HECW2: variants seen among roughly 807,000 people sequenced by gnomAD.
HECW2 encodes the protein E3 ubiquitin-protein ligase HECW2.
Under a neutral mutation model 175.2 loss-of-function variants are expected in HECW2, and 61 were observed. The ratio of observed to expected loss-of-function variants is 0.35; its 90% CI spans 0.28 to 0.43. The LOEUF is 0.43. Ranked by LOEUF, HECW2 falls within the 20% of genes least tolerant of loss-of-function variation. HECW2 has a pLI of 1.00. For synonymous variants in HECW2, 671 were observed against 731.0 expected, an observed-to-expected ratio of 0.92 and a Z score of 1.32; for missense variants, 1,524 against 2,000.5, an observed-to-expected ratio of 0.76 and a Z score of 4.54.
intron 28 of HECW2, among the ~76,000 whole-genome samples, chr2:196,204,042 C>T (rs1686970821): frequency 6.6e-6 from 1 of 152,094 alleles, no homozygotes; most frequent in Non-Finnish European, 1.5e-5. Context: ...AATTTCCTTC[C>T]TTTTTAAGGC....
chr2:196,298,810 C>A (rs1221720878), intron 13 of HECW2, among the ~76,000 whole-genome samples: 1 of 152,122 alleles, frequency 6.6e-6, no homozygotes. Context: ...TAAATACATT[C>A]CTTTTGCATA....
At chr2:196,535,454 T>G (rs1688990732) in intron 1 of HECW2, among the ~76,000 whole-genome samples, 1 of 152,220 alleles carries the variant, frequency 6.6e-6, no homozygotes, top group African/African-American at 2.4e-5. Context: ...TTTGGTATAA[T>G]GCCTTGGATA....
At chr2:196,439,078 C>G (rs1214356774) in intron 1 of HECW2, among the ~76,000 whole-genome samples, 6 of 152,144 alleles carry the variant, frequency 3.9e-5, no homozygotes, top group Non-Finnish European at 7.3e-5. Context: ...TATATTTAAA[C>G]TTCACCCTGC....
chr2:196,576,804 T>A (rs1382592504), intron 1 of HECW2, among the ~76,000 whole-genome samples: 1 of 152,146 alleles, frequency 6.6e-6, no homozygotes, highest in Non-Finnish European at 1.5e-5. Flanking sequence ...AAACACCAAA[T>A]TATACACATT....
chr2:196,287,526 A>G (rs1206110595), intron 14 of HECW2, among the ~76,000 whole-genome samples: 1 of 152,216 alleles, frequency 6.6e-6, no homozygotes, highest in African/African-American at 2.4e-5. Flanking sequence ...CGTATTTAAC[A>G]TCTTAAAGGA....
At chr2:196,397,825 C>CA (rs1468435471) in intron 2 of HECW2, among the ~76,000 whole-genome samples, 1 of 152,144 alleles carries the variant, frequency 6.6e-6, no homozygotes, top group East Asian at 1.9e-4. Flanking sequence ...CAAATGCTTC[C>CA]AATGTAGTCT....
At chr2:196,505,485 A>G (rs1307135235) in intron 1 of HECW2, among the ~76,000 whole-genome samples, 1 of 152,116 alleles carries the variant, frequency 6.6e-6, no homozygotes, top group Non-Finnish European at 1.5e-5. Flanking sequence ...GGCTGCAGTG[A>G]ACCAAGATTG....
chr2:196,544,406 G>C (rs942260831), intron 1 of HECW2, among the ~76,000 whole-genome samples: 1 of 152,168 alleles, frequency 6.6e-6, no homozygotes, highest in African/African-American at 2.4e-5. Context: ...AAAGGAAGGG[G>C]AGAGACGGAC....
chr2:196,328,056 C>G (rs1389464709), intron 5 of HECW2, among the ~76,000 whole-genome samples: 1 of 68,324 alleles, frequency 1.5e-5, no homozygotes, highest in Non-Finnish European at 4.2e-5. Flanking sequence ...ATGCTGTACA[C>G]CATAAAAAAA....
chr2:196,390,694 T>C (rs1694481249), intron 2 of HECW2, among the ~76,000 whole-genome samples: 1 of 152,184 alleles, frequency 6.6e-6, no homozygotes, highest in South Asian at 2.1e-4. Context: ...GTTTCATACT[T>C]GATGCCTGTT....
intron 1 of HECW2, among the ~76,000 whole-genome samples, chr2:196,502,881 A>G (rs1273373115): frequency 6.6e-6 from 1 of 152,216 alleles, no homozygotes; most frequent in Non-Finnish European, 1.5e-5. Flanking sequence ...GTACACATGG[A>G]GGTCCAAATC....
intron 2 of HECW2, among the ~76,000 whole-genome samples, chr2:196,412,368 T>C (rs1477602839): frequency 2.0e-5 from 3 of 152,206 alleles, no homozygotes; most frequent in Non-Finnish European, 4.4e-5. Flanking sequence ...CCTAATGACA[T>C]CATTTAACTT....
intron 2 of HECW2, among the ~76,000 whole-genome samples, chr2:196,354,770 T>C (rs1387675855): frequency 6.6e-6 from 1 of 152,198 alleles, no homozygotes; most frequent in Non-Finnish European, 1.5e-5. Context: ...ATAATAAGAA[T>C]TTCCAATTAA....
At chr2:196,333,550 A>T (rs546293499) in intron 4 of HECW2, among the ~76,000 whole-genome samples, 4 of 152,156 alleles carry the variant, frequency 2.6e-5, no homozygotes, top group South Asian at 4.1e-4. Flanking sequence ...TAAAGATTCT[A>T]TGTCATAGGA....
chr2:196,460,776 A>AT (rs201916150), intron 1 of HECW2, among the ~76,000 whole-genome samples: 4,183 of 115,698 alleles, frequency 0.036, 344 homozygotes, highest in Non-Finnish European at 0.057. Flanking sequence ...ACACCTGGCA[A>AT]TTTTTTTTTT....
In HECW2 at chr2:196,349,520, C is replaced by CGTGTGT. The variant is rs59562899; in HGVS notation, c.293-5762_293-5757dup. Among the ~76,000 whole-genome samples the CGTGTGT allele has an allele frequency of 2.3e-3, 346 of 150,922 alleles. 1 individual carries two copies. The highest frequency in any genetic ancestry group is 5.0e-3 in the African/African-American group (206 of 41,064). ...ATTTTCTCTAAATAGAAAAGTGAAA[C>CGTGTGT]GTGTGTGTGTGTGTGTGTGCGCGCG... On this transcript the variant is annotated intron_variant, in intron 2 of 28. Coordinates refer to ENST00000644978, the MANE Select transcript of HECW2 (RefSeq NM_001348768.2).
chr2:196,564,130 C>T (rs1434318414), intron 1 of HECW2, among the ~76,000 whole-genome samples: 1 of 152,110 alleles, frequency 6.6e-6, no homozygotes, highest in Admixed American at 6.5e-5. Context: ...CCTCAGCTGT[C>T]TTCTTGCCAA....
chr2:196,486,072 A>G (rs1342627353), intron 1 of HECW2, among the ~76,000 whole-genome samples: 6 of 152,178 alleles, frequency 3.9e-5, no homozygotes, highest in Admixed American at 3.9e-4. Flanking sequence ...TGTGAGAAAC[A>G]TGGCAATTTT....
chr2:196,476,217 G>A (rs746314868), intron 1 of HECW2, among the ~76,000 whole-genome samples: 1 of 152,024 alleles, frequency 6.6e-6, no homozygotes, highest in African/African-American at 2.4e-5. Flanking sequence ...GCCTAGGTGG[G>A]CAGATCACCT....
Sources: gnomAD v4.1 joint callset for allele counts (sites outside exome capture counted in the v4.1 genomes callset) on GRCh38, gnomAD v4.1.1 for gene constraint, MANE v1.5 for transcripts, NCBI Gene and HGNC (gene_info 2026-07-23, HGNC 2026-07-21) for gene names.